Variants in LHFPL2 observed in about 807,000 individuals in gnomAD.
LHFPL2 encodes the protein LHFPL tetraspan subfamily member 2 protein.
In LHFPL2, 7 loss-of-function variants were observed where a neutral mutation model predicts 17.5. The observed-to-expected ratio is 0.40, with a 90% CI of 0.23 to 0.75. The LOEUF is 0.75. Ranked by LOEUF, LHFPL2 falls within the 30% of genes least tolerant of loss-of-function variation. The pLI is 0.37. For synonymous variants in LHFPL2, 134 were observed against 116.2 expected (o/e 1.15, Z -0.99); for missense variants, 241 against 294.8 (o/e 0.82, Z 1.34).
intron 1 of LHFPL2, among the ~76,000 whole-genome samples, chr5:78,647,431 G>A (rs1745922521): frequency 6.6e-6 from 1 of 152,144 alleles, no homozygotes; most frequent in South Asian, 2.1e-4. Context: ...CAGTTACTCC[G>A]GTTTACCTCT....
intron 4 of LHFPL2, among the ~76,000 whole-genome samples, chr5:78,492,214 G>A (rs945358603): frequency 1.3e-5 from 2 of 152,216 alleles, no homozygotes; most frequent in African/African-American, 4.8e-5. Context: ...CTAAAGCTCT[G>A]AGTGTAGGCC....
intron 2 of LHFPL2, among the ~76,000 whole-genome samples, chr5:78,607,349 G>C (rs1282462386): frequency 1.3e-5 from 2 of 152,124 alleles, no homozygotes; most frequent in East Asian, 3.9e-4. Flanking sequence ...CTGACCTCAA[G>C]TGATCCACCC....
Position 78,510,238 on chromosome 5 carries a change from GT to G in LHFPL2, c.-26del. ...TATTGATGTTCCGGGCGAAGAAAGA[GT>G]CAGGAGTCCACGGAGTTAATCAAAA... is the stretch of plus-strand genomic sequence containing the variant. On this transcript the variant is annotated 5_prime_UTR_variant, in exon 4 of 5. Transcript: ENST00000380345. 1 of 1,556,608 alleles carries G rather than the reference GT, an allele frequency of 6.4e-7. No homozygotes were observed. The highest frequency in any genetic ancestry group is 8.7e-7 in the Non-Finnish European group (1 of 1,149,436).
chr5:78,621,864 C>T (rs897918524), intron 2 of LHFPL2, among the ~76,000 whole-genome samples: 1 of 152,034 alleles, frequency 6.6e-6, no homozygotes, highest in Non-Finnish European at 1.5e-5. Flanking sequence ...TTTGGCTTTG[C>T]CTTCCCCTTT....
At chr5:78,618,462 C>T (rs2112495586) in intron 2 of LHFPL2, among the ~76,000 whole-genome samples, 1 of 152,228 alleles carries the variant, frequency 6.6e-6, no homozygotes, top group South Asian at 2.1e-4. Context: ...GGTCTAGAGG[C>T]TTGGTTTGCA....
chr5:78,488,237 A>ATTGT lies in LHFPL2; in HGVS notation c.*656_*659dup, dbSNP rs1754316975. ...TTCTCATATGATTGTATAGGTCCTT[A>ATTGT]TTGTTTCTTTACTCAAATTTCTAAA... On this transcript the variant is annotated 3_prime_UTR_variant, in exon 5 of 5. Coordinates refer to ENST00000380345, the MANE Select transcript of LHFPL2 (RefSeq NM_005779.3). The ATTGT allele has an allele frequency of 6.5e-6, 1 of 153,200 alleles. No individual in the cohort carries two copies. Among genetic ancestry groups the ATTGT allele is most frequent in the South Asian group, 2.0e-4 (1 of 4,880 alleles). 9.5% of individuals were successfully genotyped at this position (153,200 alleles called of 1,614,324 possible). A position where few individuals can be genotyped will look rare whatever the true frequency, so the allele number is the denominator to read the frequency against.
Position 78,485,993 on chromosome 5 carries a change from T to C in LHFPL2, c.*2904A>G, listed in dbSNP as rs1277523455. ...AAAACAGAAACAAACATCCCTGTTT[T>C]GACTCCTGTCCAGTTTCCAAAACAA... On this transcript the variant is annotated 3_prime_UTR_variant, in exon 5 of 5. Transcript: ENST00000380345. The C allele has an allele frequency of 1.3e-5, 2 of 152,652 alleles. No individual in the cohort carries two copies. The highest frequency in any genetic ancestry group is 6.5e-5 in the Admixed American group (1 of 15,288). The allele number at this position is 152,652 out of a possible 1,614,324, so 9.5% of individuals were successfully genotyped here. A position where few individuals can be genotyped will look rare whatever the true frequency, so the allele number is the denominator to read the frequency against.
intron 1 of LHFPL2, among the ~76,000 whole-genome samples, chr5:78,645,558 A>T (rs1745838255): frequency 6.8e-6 from 1 of 148,026 alleles, no homozygotes; most frequent in South Asian, 2.2e-4. Context: ...ACACACACAC[A>T]CACACACACA....
At chr5:78,586,584 C>T (rs530508291) in intron 2 of LHFPL2, among the ~76,000 whole-genome samples, 11 of 152,270 alleles carry the variant, frequency 7.2e-5, no homozygotes, top group African/African-American at 2.2e-4. Context: ...GAGTCTGTAA[C>T]GAAGACCACC....
chr5:78,578,454 A>C (rs1249212493), intron 2 of LHFPL2, among the ~76,000 whole-genome samples: 2 of 152,068 alleles, frequency 1.3e-5, no homozygotes, highest in East Asian at 3.9e-4. Flanking sequence ...GGGAAACTAC[A>C]ATCAGGGTTT....
At chr5:78,586,002 T>C (rs1201281604) in intron 2 of LHFPL2, among the ~76,000 whole-genome samples, 1 of 152,158 alleles carries the variant, frequency 6.6e-6, no homozygotes, top group African/African-American at 2.4e-5. Flanking sequence ...ATTTTTTAAA[T>C]ACATGGTTCA....
intron 2 of LHFPL2, among the ~76,000 whole-genome samples, chr5:78,604,866 T>C (rs1200935701): frequency 2.0e-5 from 3 of 152,224 alleles, no homozygotes; most frequent in Non-Finnish European, 4.4e-5. Context: ...ATTTATGAAC[T>C]CTCTAAATCC....
At chr5:78,505,748 A>C (rs1369925692) in intron 4 of LHFPL2, among the ~76,000 whole-genome samples, 1 of 152,274 alleles carries the variant, frequency 6.6e-6, no homozygotes, top group Admixed American at 6.5e-5. Flanking sequence ...AAACTTGCCA[A>C]GAAAGCAGAA....
intron 3 of LHFPL2, among the ~76,000 whole-genome samples, chr5:78,556,341 T>C (rs1237738506): frequency 1.3e-5 from 2 of 152,116 alleles, no homozygotes; most frequent in Non-Finnish European, 1.5e-5. Flanking sequence ...AACAAACAAT[T>C]CAGAAAAGAC....
Position 78,648,443 on chromosome 5 carries a change from G to C in LHFPL2, c.-350+56C>G, listed in dbSNP as rs1197989771. 2 of 151,708 alleles carry C rather than the reference G, an allele frequency of 1.3e-5. No individual in the cohort carries two copies. Among genetic ancestry groups the C allele is most frequent in the East Asian group, 3.9e-4 (2 of 5,136 alleles). 9.4% of individuals were successfully genotyped at this position (151,708 alleles called of 1,614,324 possible). ...GCCCGCGCGGGGCGCCCACCTGGCC[G>C]GGCCCACCGGCTCTCCCCTCCCGCA... On this transcript the variant is annotated intron_variant, in intron 1 of 4. Transcript: ENST00000380345. This position sits in a 1 kb window ranked among gnomAD's most constrained non-coding sequence, Gnocchi z 5.4.
intron 2 of LHFPL2, among the ~76,000 whole-genome samples, chr5:78,579,575 G>A (rs1743011919): frequency 6.6e-6 from 1 of 151,742 alleles, no homozygotes; most frequent in Non-Finnish European, 1.5e-5. Context: ...TCCCACCTAT[G>A]AGTGAGAATA....
chr5:78,569,392 G>A lies in LHFPL2; in HGVS notation c.-244-4521C>T, dbSNP rs907981193. Among the ~76,000 whole-genome samples the A allele has an allele frequency of 2.0e-5, 3 of 152,160 alleles. No individual in the cohort carries two copies. The East Asian group carries it at 5.8e-4, about 29-fold the overall frequency. On this transcript the variant is annotated intron_variant, in intron 2 of 4. Coordinates refer to ENST00000380345, the MANE Select transcript of LHFPL2 (RefSeq NM_005779.3). ...CGAGGAAGTCTGTCCACATTTTAAGGGGAGTCTGTGGCCACATACTATGCA... is the reference window on the plus strand; with the variant it reads ...CGAGGAAGTCTGTCCACATTTTAAGAGGAGTCTGTGGCCACATACTATGCA...
At chr5:78,604,771 T>C (rs1263847297) in intron 2 of LHFPL2, among the ~76,000 whole-genome samples, 1 of 152,264 alleles carries the variant, frequency 6.6e-6, no homozygotes, top group African/African-American at 2.4e-5. Flanking sequence ...ACAGTATCTC[T>C]GGGGAAAGTA....
At chr5:78,557,559 A>G (rs1226541925) in intron 3 of LHFPL2, among the ~76,000 whole-genome samples, 2 of 152,234 alleles carry the variant, frequency 1.3e-5, no homozygotes, top group African/African-American at 4.8e-5. Flanking sequence ...CTTTCAGACC[A>G]GTCACATTAG....
Sources: allele counts gnomAD v4.1 joint callset (sites outside exome capture counted in the v4.1 genomes callset), GRCh38; gene constraint gnomAD v4.1.1; non-coding constraint Gnocchi (gnomAD v3.1); transcripts MANE v1.5; gene names NCBI Gene and HGNC (gene_info 2026-07-23, HGNC 2026-07-21).